Variants in DNAH6 observed in about 807,000 individuals in gnomAD.
DNAH6 encodes the protein axonemal beta dynein heavy chain 6.
DNAH6 carries 340 observed loss-of-function variants against 491.4 expected under a neutral mutation model. The observed-to-expected ratio is 0.69, with a 90% CI of 0.63 to 0.76. DNAH6 has a LOEUF of 0.76. Ranked by LOEUF, DNAH6 falls within the 30% of genes least tolerant of loss-of-function variation. The pLI, the probability that DNAH6 is intolerant of heterozygous loss-of-function variation, is 0.00. For missense variants in DNAH6, 4,443 were observed against 4,972.2 expected, an observed-to-expected ratio of 0.89 and a Z score of 3.20; for synonymous variants, 1,603 against 1,686.1, an observed-to-expected ratio of 0.95 and a Z score of 1.21.
chr2:84,717,947 CAGA>C (rs976904941), intron 58 of DNAH6, among the ~76,000 whole-genome samples: 43 of 152,234 alleles, frequency 2.8e-4, no homozygotes, highest in Middle Eastern at 3.4e-3. Context: ...AAGAGATGAG[CAGA>C]AGGTGTGGGA....
At chr2:84,489,389 AAG>A in the DNAH6 span, among the ~76,000 whole-genome samples, 1 of 152,200 alleles carries the variant, frequency 6.6e-6, no homozygotes, top group South Asian at 2.1e-4. Context: ...TTGAAGTTAA[AAG>A]ATATGTATCA....
intron 12 of DNAH6, among the ~76,000 whole-genome samples, chr2:84,574,323 T>C (rs1031247426): frequency 2.0e-5 from 3 of 152,186 alleles, no homozygotes; most frequent in Non-Finnish European, 4.4e-5. Flanking sequence ...TTGTTTACTA[T>C]GCTGAAGTAT....
Position 84,577,352 on chromosome 2 carries a change from A to G in DNAH6, c.2020A>G (p.Ile674Val), listed in dbSNP as rs140763000. 1.7e-4 allele frequency: 272 copies of G among 1,612,326 alleles called. No individual in the cohort carries two copies. The highest frequency in any genetic ancestry group is 8.7e-5 in the Non-Finnish European group (102 of 1,179,072). ...CACCAGAAATGTAGGATTGCTGCTC[A>G]TTGATACTAGGCTTCTAAGAGAAAA... ...RPTRNVGLLL[I>V]DTRLLREKLI... The change falls in exon 13 of 77, where the codon ATT becomes GTT. Residue 674 changes from isoleucine (I) to valine (V), a missense_variant. Transcript: ENST00000389394.
intron 8 of DNAH6, among the ~76,000 whole-genome samples, 180 bp downstream of exon 8, chr2:84,548,597 G>C (rs934633763): frequency 6.6e-6 from 1 of 152,038 alleles, no homozygotes; most frequent in East Asian, 1.9e-4. Flanking sequence ...AAAATGAAAA[G>C]TAGAATCTTT....
chr2:84,784,847 T>A, intron 66 of DNAH6, 37 bp downstream of exon 66: 1 of 1,432,288 alleles, frequency 7.0e-7, no homozygotes, highest in Non-Finnish European at 9.6e-7. Context: ...TGTGAAATGG[T>A]TGGTTTCAGA....
chr2:84,761,211 A>G (rs572698535), intron 63 of DNAH6, among the ~76,000 whole-genome samples: 5 of 152,324 alleles, frequency 3.3e-5, no homozygotes, highest in African/African-American at 1.2e-4. Context: ...AATTGAAACA[A>G]GTAAGACACA....
At chr2:84,612,855 G>T (rs73943313) in intron 22 of DNAH6, among the ~76,000 whole-genome samples, 2,170 of 152,006 alleles carry the variant, frequency 0.014, 54 homozygotes, top group African/African-American at 0.05. Context: ...CAGGTTTGGG[G>T]GATTAGGACA....
At chr2:84,492,573 ATTC>A in the DNAH6 span, among the ~76,000 whole-genome samples, 19 of 151,998 alleles carry the variant, frequency 1.3e-4, no homozygotes, top group African/African-American at 4.6e-4. Flanking sequence ...TTCTTTTCCC[ATTC>A]TTCTAATTTT....
intron 22 of DNAH6, among the ~76,000 whole-genome samples, chr2:84,612,442 C>T (rs748007791): frequency 3.2e-4 from 49 of 152,082 alleles, no homozygotes; most frequent in Non-Finnish European, 6.5e-4. Context: ...GGCAAGCTTG[C>T]CTGTTGTTCA....
rs116500960 is a variant in DNAH6 at position 84,689,025 on chromosome 2, G to A, written c.7292+432G>A. ...CTCTTACCCACTACAAGTGTCCTAT[G>A]AGGGACAACCTTGACACATTCATGA... On this transcript the variant is annotated intron_variant, in intron 45 of 76. Transcript: ENST00000389394. Among the ~76,000 whole-genome samples, 549 of 152,318 alleles carry A rather than the reference G, an allele frequency of 3.6e-3. 3 individuals carry two copies. The highest frequency in any genetic ancestry group is 0.012 in the African/African-American group (509 of 41,560).
At chr2:84,703,656 T>C in intron 50 of DNAH6, 94 bp downstream of exon 50, 4 of 1,156,544 alleles carry the variant, frequency 3.5e-6, no homozygotes, top group Non-Finnish European at 4.6e-6. Flanking sequence ...TTATTATATA[T>C]GTTATTAAAA....
chr2:84,560,280 A>G lies in DNAH6; in HGVS notation c.1803+2345A>G, dbSNP rs182890668. 9.9e-5 allele frequency among the ~76,000 whole-genome samples: 15 copies of G among 152,228 alleles called. No individual in the cohort carries two copies. The East Asian group carries it at 2.7e-3, about 27-fold the overall frequency. ...GAATTTTTCTGCAGGTCTTACAGAG[A>G]CAAGAGAATTAGACTAGCATCAGAC... On this transcript the variant is annotated intron_variant, in intron 11 of 76. Transcript: ENST00000389394.
At chr2:84,598,135 C>CTTTCT (rs1179557270) in intron 18 of DNAH6, among the ~76,000 whole-genome samples, 1 of 52,928 alleles carries the variant, frequency 1.9e-5, no homozygotes, top group African/African-American at 4.7e-5. Flanking sequence ...TCTTTTCTTT[C>CTTTCT]TTTCTTTCTT....
intron 56 of DNAH6, among the ~76,000 whole-genome samples, chr2:84,711,208 A>G (rs1281773666): frequency 6.6e-6 from 1 of 152,230 alleles, no homozygotes; most frequent in African/African-American, 2.4e-5. Flanking sequence ...TAAAGGGAGT[A>G]ATTTAAGCTG....
chr2:84,818,944 G>A (rs527520252), intron 76 of DNAH6, among the ~76,000 whole-genome samples: 2 of 152,198 alleles, frequency 1.3e-5, no homozygotes, highest in East Asian at 1.9e-4. Flanking sequence ...ATGGTGGTAC[G>A]CACCTATAGT....
chr2:84,813,645 C>T (rs1350295120), intron 74 of DNAH6, among the ~76,000 whole-genome samples: 2 of 152,286 alleles, frequency 1.3e-5, no homozygotes, highest in South Asian at 2.1e-4. Flanking sequence ...ACAAGCTGGG[C>T]AAAATCCTAA....
chr2:84,519,931 TATTAC>T (rs1675986054), intron 2 of DNAH6, among the ~76,000 whole-genome samples: 1 of 152,076 alleles, frequency 6.6e-6, no homozygotes, highest in African/African-American at 2.4e-5. Flanking sequence ...TTCATGAAAA[TATTAC>T]AAATAAATAC....
chr2:84,676,020 AT>A (rs1166270610), intron 40 of DNAH6, among the ~76,000 whole-genome samples: 1 of 152,230 alleles, frequency 6.6e-6, no homozygotes, highest in Non-Finnish European at 1.5e-5. Flanking sequence ...TGTTCTCTCC[AT>A]TAGACCCACA....
At chr2:84,559,281 G>A (rs1680402611) in intron 11 of DNAH6, among the ~76,000 whole-genome samples, 1 of 152,114 alleles carries the variant, frequency 6.6e-6, no homozygotes, top group African/African-American at 2.4e-5. Context: ...TACTCAAGAT[G>A]CCATTAGTTC....
Sources: allele counts gnomAD v4.1 joint callset (sites outside exome capture counted in the v4.1 genomes callset), GRCh38; gene constraint gnomAD v4.1.1; transcripts MANE v1.5; gene names NCBI Gene and HGNC (gene_info 2026-07-23, HGNC 2026-07-21).